The following NFAT5 variants were observed in gnomAD, a reference collection of about 807,000 sequenced individuals.
NFAT5 encodes the protein nuclear factor of activated T-cells 5.
Under a neutral mutation model 166.5 loss-of-function variants are expected in NFAT5, and 31 were observed. The observed-to-expected ratio is 0.19, with a 90% CI of 0.14 to 0.25. The LOEUF is 0.25. Ranked by LOEUF, NFAT5 falls within the 10% of genes least tolerant of loss-of-function variation. NFAT5 has a pLI of 1.00. For missense variants in NFAT5, 1,449 were observed against 1,821.8 expected (o/e 0.80, Z 3.72); for synonymous variants, 612 against 639.7 (o/e 0.96, Z 0.65).
At chr16:69,616,263 T>G (rs1262098629) in intron 2 of NFAT5, among the ~76,000 whole-genome samples, 1 of 151,570 alleles carries the variant, frequency 6.6e-6, no homozygotes, top group Admixed American at 6.6e-5. Flanking sequence ...CGTGCTGGGC[T>G]CCCCCTCTCT....
chr16:69,684,854 T>C, intron 10 of NFAT5, 33 bp from the exon 11 acceptor site: 1 of 1,423,728 alleles, frequency 7.0e-7, no homozygotes, highest in Non-Finnish European at 9.7e-7. Flanking sequence ...GATGAGTAAA[T>C]GTAGATAAAT....
chr16:69,697,147 A>C lies in NFAT5; in HGVS notation c.*796A>C, dbSNP rs1161099229. On this transcript the variant is annotated 3_prime_UTR_variant, in exon 15 of 15. Transcript: ENST00000349945. ...TCCTACAGTAGTTTAAATTGACAGA[A>C]AAATTTGAATGTTTTCTTCTTAACC... The C allele has an allele frequency of 1.3e-5, 2 of 152,640 alleles. No homozygotes were observed. Among genetic ancestry groups the C allele is most frequent in the African/African-American group, 2.4e-5 (1 of 41,454 alleles). The allele number at this position is 152,640 out of a possible 1,614,324, so 9.5% of individuals were successfully genotyped here.
chr16:69,566,013 C>T lies in NFAT5; in HGVS notation c.-289C>T. On this transcript the variant is annotated 5_prime_UTR_variant, in exon 1 of 15. Coordinates refer to ENST00000349945, the MANE Select transcript of NFAT5 (RefSeq NM_138713.4). The surrounding 1 kb of genome is among the most constrained non-coding windows in gnomAD (Gnocchi z 5.7). ...CGGTGGCGGCGACCGTCAGTTTTCG[C>T]TGAGGAGAAACACGAAACGGACCCT... 1 of 335,244 alleles carries T rather than the reference C, an allele frequency of 3.0e-6. No homozygotes were observed. The highest frequency in any genetic ancestry group is 5.4e-6 in the Non-Finnish European group (1 of 183,876). The allele number at this position is 335,244 out of a possible 1,614,324, so 20.8% of individuals were successfully genotyped here. A position where few individuals can be genotyped will look rare whatever the true frequency, so the allele number is the denominator to read the frequency against.
chr16:69,648,476 T>C (rs1597467172), intron 4 of NFAT5: 5 of 985,286 alleles, frequency 5.1e-6, no homozygotes, highest in Non-Finnish European at 6.0e-6. Flanking sequence ...TCATTTTTTT[T>C]CTGTGATTCT....
chr16:69,565,988 CGGT>C lies in NFAT5; in HGVS notation c.-311_-309del. The C allele has an allele frequency of 3.7e-6, 1 of 269,414 alleles. No homozygotes were observed. The highest frequency in any genetic ancestry group is 3.7e-5 in the South Asian group (1 of 26,864). 16.7% of individuals were successfully genotyped at this position (269,414 alleles called of 1,614,324 possible). ...CTCAGATTCCTGTCAGCGGCGGCGG[CGGT>C]GGCGGCGACCGTCAGTTTTCGCTGA... On this transcript the variant is annotated 5_prime_UTR_variant, in exon 1 of 15. Transcript: ENST00000349945.
In NFAT5 at chr16:69,695,242, A is replaced by G; in HGVS notation, c.4521A>G (p.Thr1507=). ...ACGAGGGCCAGCCACCTGTGACAACACTTCTTTCTCAGCAAATGCCAGAGA... is the reference window on the plus strand; with the variant it reads ...ACGAGGGCCAGCCACCTGTGACAACGCTTCTTTCTCAGCAAATGCCAGAGA... ...PQNEGQPPVT[T]LLSQQMPENS... The change falls in exon 14 of 15, where the codon ACA becomes ACG. Residue 1507 remains threonine (T), a synonymous_variant. Transcript: ENST00000349945. 1 of 1,614,166 alleles carries G rather than the reference A, an allele frequency of 6.2e-7. No individual in the cohort carries two copies. The highest frequency in any genetic ancestry group is 8.5e-7 in the Non-Finnish European group (1 of 1,180,030).
intron 2 of NFAT5, among the ~76,000 whole-genome samples, chr16:69,584,562 T>C (rs756220325): frequency 5.9e-5 from 9 of 152,012 alleles, no homozygotes; most frequent in Non-Finnish European, 1.0e-4. Flanking sequence ...ATTCCTGACC[T>C]TAAGTAATCC....
In NFAT5 at chr16:69,692,622, T is replaced by A; in HGVS notation, c.2797T>A (p.Leu933Ile). ...CQAAAQIQSE[L>I]FPSTASANGN... ...GGCAGCTGCCCAGATTCAGTCAGAG[T>A]TATTCCCTTCAACTGCTTCAGCAAA... The change falls in exon 13 of 15, where the codon TTA becomes ATA. Residue 933 changes from leucine (L) to isoleucine (I), a missense_variant. By Grantham distance (5) the Leu-to-Ile change is conservative (BLOSUM62 2). This residue lies in a region of NFAT5 where 891 missense variants were observed against 993.0 expected (regional missense o/e 0.90). Coordinates refer to ENST00000349945, the MANE Select transcript of NFAT5 (RefSeq NM_138713.4). 3 of 1,614,188 alleles carry A rather than the reference T, an allele frequency of 1.9e-6. No homozygotes were observed. Among genetic ancestry groups the A allele is most frequent in the Non-Finnish European group, 2.5e-6 (3 of 1,180,026 alleles).
intron 9 of NFAT5, among the ~76,000 whole-genome samples, chr16:69,676,552 A>G (rs1279652950): frequency 6.6e-6 from 1 of 152,144 alleles, no homozygotes; most frequent in Non-Finnish European, 1.5e-5. Flanking sequence ...TTCAATATGT[A>G]CCTTATGTAA....
Position 69,698,940 on chromosome 16 carries a change from T to C in NFAT5, c.*2589T>C, listed in dbSNP as rs373603948. 1.3e-5 allele frequency: 2 copies of C among 152,682 alleles called. No homozygotes were observed. Among genetic ancestry groups the C allele is most frequent in the East Asian group, 3.9e-4 (2 of 5,190 alleles). 9.5% of individuals were successfully genotyped at this position (152,682 alleles called of 1,614,324 possible). On this transcript the variant is annotated 3_prime_UTR_variant, in exon 15 of 15. Coordinates refer to ENST00000349945, the MANE Select transcript of NFAT5 (RefSeq NM_138713.4). ...TGTATCTCTTCTCCCCCAGCCCCTATTGGGAAAAATTACCCAGTATAGTTC... is the reference window on the plus strand; with the variant it reads ...TGTATCTCTTCTCCCCCAGCCCCTACTGGGAAAAATTACCCAGTATAGTTC...
intron 2 of NFAT5, among the ~76,000 whole-genome samples, chr16:69,623,965 A>G (rs2034324625): frequency 1.4e-5 from 2 of 147,772 alleles, no homozygotes; most frequent in East Asian, 2.0e-4. Context: ...TGGCCAGGCT[A>G]GTCTCGAACT....
chr16:69,688,202 CAA>C (rs1188158260), intron 11 of NFAT5, among the ~76,000 whole-genome samples: 4,800 of 48,714 alleles, frequency 0.099, 43 homozygotes, highest in Middle Eastern at 0.19. Context: ...GACTCCGTCT[CAA>C]AAAAAAAAAA....
chr16:69,649,533 T>C, intron 4 of NFAT5: 1 of 984,320 alleles, frequency 1.0e-6, no homozygotes, highest in Non-Finnish European at 1.2e-6. Context: ...GGAGCAGAAA[T>C]TCCATCAAGC....
At chr16:69,585,462 C>T (rs2031994542) in intron 2 of NFAT5, among the ~76,000 whole-genome samples, 1 of 152,084 alleles carries the variant, frequency 6.6e-6, no homozygotes, top group African/African-American at 2.4e-5. Context: ...CCAGCAATTT[C>T]ACTTATAGGT....
At chr16:69,622,493 G>T (rs775905580) in intron 2 of NFAT5, among the ~76,000 whole-genome samples, 5 of 152,126 alleles carry the variant, frequency 3.3e-5, no homozygotes, top group Admixed American at 1.3e-4. Context: ...GCAGACTTTG[G>T]AGAGGGGTGG....
intron 2 of NFAT5, among the ~76,000 whole-genome samples, chr16:69,569,324 C>CA (rs368222174): frequency 0.012 from 1,497 of 123,088 alleles, 18 homozygotes; most frequent in African/African-American, 0.032. Flanking sequence ...ATTAAGAAAC[C>CA]AAAAAAAAAA....
intron 2 of NFAT5, among the ~76,000 whole-genome samples, chr16:69,570,135 C>T (rs2016345046): frequency 6.6e-6 from 1 of 152,106 alleles, no homozygotes; most frequent in African/African-American, 2.4e-5. Context: ...TGTTTATTTA[C>T]ATGTTTATGC....
chr16:69,688,149 T>C lies in NFAT5; in HGVS notation c.1775-2791T>C, dbSNP rs529854531. On this transcript the variant is annotated intron_variant, in intron 11 of 14. Coordinates refer to ENST00000349945, the MANE Select transcript of NFAT5 (RefSeq NM_138713.4). ...AAGCGGAGCTTGCAGTGAGCCGAGA[T>C]TGCGCCACTGCAGTCCGCAGTCCCG... 8.2e-4 allele frequency among the ~76,000 whole-genome samples: 118 copies of C among 143,942 alleles called. 1 individual carries two copies. In the East Asian group the frequency reaches 0.01, roughly 12 times the overall value. The allele number at this position is 143,942 out of a possible 152,430, so 94.4% of individuals were successfully genotyped here. A position where few individuals can be genotyped will look rare whatever the true frequency, so the allele number is the denominator to read the frequency against.
intron 3 of NFAT5, among the ~76,000 whole-genome samples, chr16:69,643,726 A>G (rs1184847683): frequency 1.3e-5 from 2 of 152,212 alleles, no homozygotes; most frequent in Admixed American, 1.3e-4. Context: ...CTCCAAATAC[A>G]TACCAAATTT....
Sources: allele counts gnomAD v4.1 joint callset (sites outside exome capture counted in the v4.1 genomes callset), GRCh38; gene constraint gnomAD v4.1.1; regional missense constraint gnomAD v4.1.1; non-coding constraint Gnocchi (gnomAD v3.1); transcripts MANE v1.5; gene names NCBI Gene and HGNC (gene_info 2026-07-23, HGNC 2026-07-21).